The following SLC19A1 variants were observed in gnomAD, a reference collection of about 807,000 sequenced individuals.
The protein encoded by SLC19A1 is reduced folate transporter.
A neutral mutation model predicts 35.3 loss-of-function variants in SLC19A1; 37 were observed. That is an observed-to-expected ratio of 1.05 (90% confidence interval 0.81 to 1.38). The LOEUF is 1.38. Among genes scored for constraint, SLC19A1 ranks in the 40% most tolerant of loss-of-function variants. SLC19A1 has a pLI of 0.00. For synonymous variants in SLC19A1, 460 were observed against 398.5 expected (o/e 1.15, Z -1.84); for missense variants, 831 against 826.9 (o/e 1.00, Z -0.06).
chr21:45,510,290 G>A, downstream of SLC19A1: 5 of 1,569,174 alleles, frequency 3.2e-6, no homozygotes, highest in Non-Finnish European at 4.3e-6. Context: ...GAGGGCGCGG[G>A]CTCCTCGGCC....
At position 45,531,569 on chromosome 21, in the gene SLC19A1, CCCGCAGCAT is replaced by C; in HGVS notation, c.760_768del (p.Met254_Arg256del). On this transcript the variant is annotated inframe_deletion, in exon 3 of 6. Coordinates refer to ENST00000311124, the MANE Select transcript of SLC19A1 (RefSeq NM_194255.4). The stretch of plus-strand genomic sequence containing the variant: ...GGCCGCCGCAGGCTGTCCCCCAGCT[CCCGCAGCAT>C]CCGCGCCAGCACTGAGTCCCCACAG... 1.2e-6 allele frequency: 2 copies of C among 1,612,356 alleles called. No homozygotes were observed. Among genetic ancestry groups the C allele is most frequent in the South Asian group, 2.2e-5 (2 of 91,026 alleles).
downstream of SLC19A1, chr21:45,509,241 C>T: frequency 1.4e-6 from 2 of 1,407,132 alleles, no homozygotes; most frequent in African/African-American, 1.4e-5. Context: ...GGCGCAGCTC[C>T]CTGCTTGCCA....
chr21:45,520,917 G>A (rs2077417984), intron 5 of SLC19A1, among the ~76,000 whole-genome samples: 1 of 152,102 alleles, frequency 6.6e-6, no homozygotes, highest in African/African-American at 2.4e-5. Flanking sequence ...CTACTTGGGA[G>A]GCTGAGACAG....
rs2078024802 is a variant in SLC19A1, at chr21:45,534,042, C to T, written c.190-1894G>A. On this transcript the variant is annotated intron_variant, in intron 2 of 5. Transcript: ENST00000311124. This position sits in a 1 kb window ranked among gnomAD's most constrained non-coding sequence, Gnocchi z 4.2. Reference sequence around the variant, plus strand: ...CCAGGCTGACCCAAAGGCTGTGGTCCCAGCAGCACCAGGCACCCAAGGTCC... The same window carrying T: ...CCAGGCTGACCCAAAGGCTGTGGTCTCAGCAGCACCAGGCACCCAAGGTCC... Among the ~76,000 whole-genome samples, 1 of 152,100 alleles carries T rather than the reference C, an allele frequency of 6.6e-6. No individual in the cohort carries two copies. Among genetic ancestry groups the T allele is most frequent in the East Asian group, 1.9e-4 (1 of 5,172 alleles).
At chr21:45,545,531 T>A (rs2078405157), upstream of SLC19A1, among the ~76,000 whole-genome samples, 1 of 152,026 alleles carries the variant, frequency 6.6e-6, no homozygotes, top group African/African-American at 2.4e-5. Flanking sequence ...TTACACCTAT[T>A]TTCTTTATGA....
rs760103304 is a variant in SLC19A1, at chr21:45,530,887, G to A, written c.1034C>T (p.Thr345Met). 3 of 1,483,886 alleles carry A rather than the reference G, an allele frequency of 2.0e-6. No individual in the cohort carries two copies. The highest frequency in any genetic ancestry group is 2.6e-5 in the East Asian group (1 of 38,448). The allele number at this position is 1,483,886 out of a possible 1,614,324, so 91.9% of individuals were successfully genotyped here. The change falls in exon 4 of 6, where the codon ACG (threonine) becomes ATG (methionine). Residue 345 changes from threonine (T) to methionine (M), a missense_variant. Thr to Met is a moderately conservative substitution (Grantham distance 81). Coordinates refer to ENST00000311124, the MANE Select transcript of SLC19A1 (RefSeq NM_194255.4). The surrounding 1 kb of genome is among the most constrained non-coding windows in gnomAD (Gnocchi z 5.3). ...SKLLIAGVTA[T>M]QAGLVFLLAH... ...CAGAAGGAAGACCAGCCCCGCCTGC[G>A]TGGCCGTGACGCCCGCGATGAGCAG...
chr21:45,535,888 C>T (rs1307747793), intron 2 of SLC19A1: 4 of 155,836 alleles, frequency 2.6e-5, no homozygotes, highest in Non-Finnish European at 2.8e-5. Flanking sequence ...CACAAGACAC[C>T]ACTTACGTGA....
downstream of SLC19A1, among the ~76,000 whole-genome samples, chr21:45,511,670 C>G (rs186772396): frequency 1.7e-3 from 256 of 152,232 alleles, no homozygotes; most frequent in African/African-American, 6.0e-3. Flanking sequence ...CTGTGCCCTC[C>G]CCACGTGAGC....
At chr21:45,525,697 GC>G in intron 5 of SLC19A1, 119 bp downstream of exon 5, 2 of 1,152,664 alleles carry the variant, frequency 1.7e-6, no homozygotes, top group Non-Finnish European at 1.2e-6. Flanking sequence ...GAAGCCCCAG[GC>G]CCGCACCCTG....
downstream of SLC19A1, chr21:45,509,306 G>A (rs776858677): frequency 1.2e-3 from 1,795 of 1,535,362 alleles, 1 homozygote; most frequent in Non-Finnish European, 1.4e-3. Flanking sequence ...ATGGAGGAGG[G>A]GCACCCGGAG....
At chr21:45,556,494 C>T (rs965198523) in intron 1 of SLC19A1, among the ~76,000 whole-genome samples, 2 of 152,246 alleles carry the variant, frequency 1.3e-5, no homozygotes, top group Admixed American at 1.3e-4. Context: ...TATGTGAAAT[C>T]CTGCCTTTCT....
intron 1 of SLC19A1, among the ~76,000 whole-genome samples, chr21:45,555,404 C>A (rs2078548522): frequency 1.4e-5 from 1 of 69,192 alleles, no homozygotes; most frequent in Admixed American, 1.6e-4. Flanking sequence ...GAGGCAGGGG[C>A]GGTGTGGAGA....
At chr21:45,550,499 A>G (rs905760407) in intron 1 of SLC19A1, among the ~76,000 whole-genome samples, 14 of 152,308 alleles carry the variant, frequency 9.2e-5, no homozygotes, top group African/African-American at 3.4e-4. Context: ...ACACGGTCTT[A>G]TTAGATCCAG....
intron 1 of SLC19A1, among the ~76,000 whole-genome samples, chr21:45,556,046 C>T (rs1308176600): frequency 6.6e-6 from 1 of 152,140 alleles, no homozygotes; most frequent in Non-Finnish European, 1.5e-5. Context: ...GGTCACAGGT[C>T]AAAGCCGAGA....
chr21:45,558,791 T>C lies in SLC19A1; in HGVS notation c.-50+3951A>G, dbSNP rs140161440. On this transcript the variant is annotated intron_variant, in intron 1 of 5. Transcript: ENST00000650808. ...CACAGGGAAACACATTTCAGTTAAA[T>C]TGAATTTTCTTTTTCTTTTTTCTTT... 1.1e-4 allele frequency among the ~76,000 whole-genome samples: 16 copies of C among 145,990 alleles called. No individual in the cohort carries two copies. In the East Asian group the frequency reaches 2.0e-3, roughly 19 times the overall value.
chr21:45,506,967 T>TA, intron 3 of SLC19A1: 1 of 267,740 alleles, frequency 3.7e-6, no homozygotes, highest in South Asian at 3.7e-5. Context: ...GTGCCAGGTG[T>TA]GCTTGTAGGC....
intron 2 of SLC19A1, among the ~76,000 whole-genome samples, chr21:45,537,498 G>A (rs1487511161): frequency 3.4e-5 from 5 of 148,394 alleles, no homozygotes; most frequent in Admixed American, 1.3e-4. Flanking sequence ...CAGCACCCCG[G>A]TGCCCACATG....
rs1026161272 is a variant in SLC19A1, at chr21:45,530,237, TGTG to T, written c.1151+530_1151+532del. Among the ~76,000 whole-genome samples the T allele has an allele frequency of 2.5e-4, 38 of 151,450 alleles. No homozygotes were observed. Among genetic ancestry groups the T allele is most frequent in the African/African-American group, 8.3e-4 (34 of 41,106 alleles). ...TGTGAACATGGTGTGTGTCCGTGTG[TGTG>T]GTGTGTTCATGTGCGATATATCCAT... On this transcript the variant is annotated intron_variant, in intron 4 of 5. Coordinates refer to ENST00000311124, the MANE Select transcript of SLC19A1 (RefSeq NM_194255.4). This position sits in a 1 kb window ranked among gnomAD's most constrained non-coding sequence, Gnocchi z 5.3.
At chr21:45,510,786 A>G (rs2838954), downstream of SLC19A1, among the ~76,000 whole-genome samples, 94,271 of 152,036 alleles carry the variant, frequency 0.62, 29,584 homozygotes, top group African/African-American at 0.71. Flanking sequence ...GGCTGGGAGC[A>G]GGCGGCTGTG....
Sources: allele counts gnomAD v4.1 joint callset (sites outside exome capture counted in the v4.1 genomes callset), GRCh38; gene constraint gnomAD v4.1.1; non-coding constraint Gnocchi (gnomAD v3.1); transcripts MANE v1.5; gene names NCBI Gene and HGNC (gene_info 2026-07-23, HGNC 2026-07-21).